Variants in RSRC1 observed in about 807,000 individuals in gnomAD.
RSRC1 encodes serine/Arginine-related protein 53.
RSRC1 carries 39 observed loss-of-function variants against 49.1 expected under a neutral mutation model. That is an observed-to-expected ratio of 0.79 (90% CI 0.61 to 1.04). RSRC1 has a LOEUF of 1.04. Ranked by LOEUF, RSRC1 falls within the 50% of genes least tolerant of loss-of-function variation. The probability of loss-of-function intolerance (pLI) is 0.00; values close to 1 mark genes in which losing one functional copy is unlikely to be tolerated. For missense variants in RSRC1, 388 were observed against 402.4 expected (o/e 0.96, Z 0.31); for synonymous variants, 143 against 130.8 (o/e 1.09, Z -0.63).
chr3:158,127,308 A>G (rs994232674), intron 3 of RSRC1, among the ~76,000 whole-genome samples: 3 of 151,860 alleles, frequency 2.0e-5, no homozygotes, highest in African/African-American at 7.3e-5. Flanking sequence ...CATAATACGT[A>G]TATTGGTCTG....
At chr3:158,285,437 A>T (rs1301720016) in intron 4 of RSRC1, among the ~76,000 whole-genome samples, 2 of 152,180 alleles carry the variant, frequency 1.3e-5, no homozygotes, top group Non-Finnish European at 2.9e-5. Flanking sequence ...GAAGAAAGTC[A>T]TTGGTAGCTT....
chr3:158,136,085 C>T (rs1716353456), intron 3 of RSRC1, among the ~76,000 whole-genome samples: 1 of 152,140 alleles, frequency 6.6e-6, no homozygotes. Flanking sequence ...ACTTAATTTG[C>T]ATTTCTACCA....
intron 3 of RSRC1, among the ~76,000 whole-genome samples, chr3:158,147,102 C>CTTTTTTTTTTTTTTTTTTTTTTTTT (rs35460810): frequency 8.6e-5 from 3 of 34,736 alleles, no homozygotes; most frequent in African/African-American, 3.0e-4. Context: ...GCTTTTCTGC[C>CTTTTTTTTTTTTTTTTTTTTTTTTT]TTTTTTTTTT....
chr3:158,428,100 C>G (rs1268054580), intron 6 of RSRC1, among the ~76,000 whole-genome samples: 1 of 151,694 alleles, frequency 6.6e-6, no homozygotes, highest in East Asian at 2.0e-4. Context: ...ACTTCCACCC[C>G]CACCTCCAAC....
intron 6 of RSRC1, among the ~76,000 whole-genome samples, chr3:158,397,464 C>A (rs939114): frequency 0.43 from 64,734 of 151,954 alleles, 14,706 homozygotes; most frequent in South Asian, 0.6. Context: ...ACCTACTTAG[C>A]CGGTGAGTAT....
chr3:158,316,438 A>ATTTTTTTTTTTTTTTTTT lies in RSRC1; in HGVS notation c.531+18372_531+18389dup, dbSNP rs564633575. ...TAATCAGTCCACTGCAGAATCTCTC[A>ATTTTTTTTTTTTTTTTTT]TTTTTTTTTTTTTTTTTTTTTTTTT... On this transcript the variant is annotated intron_variant, in intron 5 of 9. Transcript: ENST00000611884. Among the ~76,000 whole-genome samples the ATTTTTTTTTTTTTTTTTT allele has an allele frequency of 4.7e-4, 34 of 72,242 alleles. 5 individuals are homozygous for ATTTTTTTTTTTTTTTTTT. Among genetic ancestry groups the ATTTTTTTTTTTTTTTTTT allele is most frequent in the East Asian group, 9.4e-4 (2 of 2,128 alleles). The allele number at this position is 72,242 out of a possible 152,430, so 47.4% of individuals were successfully genotyped here.
At chr3:158,454,475 C>T (rs957623981) in intron 6 of RSRC1, among the ~76,000 whole-genome samples, 1 of 152,058 alleles carries the variant, frequency 6.6e-6, no homozygotes, top group Admixed American at 6.6e-5. Flanking sequence ...AGGGAAAATT[C>T]GTTGGTAAGA....
chr3:158,148,786 CT>C (rs555372660), intron 3 of RSRC1, among the ~76,000 whole-genome samples: 428 of 145,338 alleles, frequency 2.9e-3, no homozygotes, highest in African/African-American at 4.6e-3. Context: ...CGAATATATA[CT>C]TTTTTTTTTT....
chr3:158,326,162 A>G (rs1012914060), intron 5 of RSRC1, among the ~76,000 whole-genome samples: 2 of 152,212 alleles, frequency 1.3e-5, no homozygotes, highest in Non-Finnish European at 2.9e-5. Context: ...ATATACAATC[A>G]TGTCATCTGC....
intron 7 of RSRC1, among the ~76,000 whole-genome samples, chr3:158,498,536 G>C (rs899209701): frequency 1.3e-5 from 2 of 152,060 alleles, no homozygotes; most frequent in Non-Finnish European, 2.9e-5. Context: ...TTACTCTTCT[G>C]ACTGTTCCTT....
chr3:158,253,599 A>G (rs752212542), intron 4 of RSRC1, among the ~76,000 whole-genome samples: 18 of 152,168 alleles, frequency 1.2e-4, no homozygotes, highest in Non-Finnish European at 2.2e-4. Context: ...GATAGTGCAC[A>G]TAAGTTCAAA....
chr3:158,135,220 T>C (rs942858404), intron 3 of RSRC1, among the ~76,000 whole-genome samples: 2 of 152,102 alleles, frequency 1.3e-5, no homozygotes, highest in African/African-American at 4.8e-5. Context: ...AGGCTCAGAA[T>C]GTGTTTTGGA....
intron 5 of RSRC1, among the ~76,000 whole-genome samples, chr3:158,314,834 A>G (rs534447611): frequency 2.0e-5 from 3 of 152,214 alleles, no homozygotes; most frequent in South Asian, 4.1e-4. Context: ...GGTGAAACCA[A>G]TGGTGAAACC....
chr3:158,183,725 T>C (rs1719766707), intron 3 of RSRC1, among the ~76,000 whole-genome samples: 2 of 151,966 alleles, frequency 1.3e-5, no homozygotes, highest in African/African-American at 2.4e-5. Context: ...AAGACTAACA[T>C]AGGCAGCATA....
chr3:158,295,914 A>C (rs1727208020), intron 4 of RSRC1, among the ~76,000 whole-genome samples: 1 of 152,012 alleles, frequency 6.6e-6, no homozygotes, highest in South Asian at 2.1e-4. Context: ...AAATGAAGCT[A>C]TTTACAGTCT....
At chr3:158,317,318 T>A (rs534803167) in intron 5 of RSRC1, among the ~76,000 whole-genome samples, 158 of 152,180 alleles carry the variant, frequency 1.0e-3, no homozygotes, top group African/African-American at 3.6e-3. Context: ...AAACTCTGCC[T>A]TGTGGGCTCA....
At chr3:158,306,275 C>G (rs777842522) in intron 5 of RSRC1, among the ~76,000 whole-genome samples, 10 of 151,712 alleles carry the variant, frequency 6.6e-5, no homozygotes, top group Non-Finnish European at 1.2e-4. Flanking sequence ...GCATATATTA[C>G]TTAGCTTTTT....
chr3:158,478,598 T>G lies in RSRC1; in HGVS notation c.652+17595T>G, dbSNP rs759548799. ...GCCATGTCATGAGTTATTGTTTATT[T>G]GTAACACCAGCCTTGTCTATCCACA... On this transcript the variant is annotated intron_variant, in intron 7 of 9. Coordinates refer to ENST00000611884, the MANE Select transcript of RSRC1 (RefSeq NM_001271838.2). Among the ~76,000 whole-genome samples, 26 of 151,912 alleles carry G rather than the reference T, an allele frequency of 1.7e-4. 1 individual carries two copies. Among genetic ancestry groups the G allele is most frequent in the Admixed American group, 2.6e-4 (4 of 15,210 alleles).
chr3:158,164,505 A>G (rs537100797), intron 3 of RSRC1, among the ~76,000 whole-genome samples: 1 of 152,102 alleles, frequency 6.6e-6, no homozygotes, highest in Non-Finnish European at 1.5e-5. Context: ...GAATGATTTT[A>G]TATTGTATTT....
Sources: gnomAD v4.1 joint callset for allele counts (sites outside exome capture counted in the v4.1 genomes callset) on GRCh38, gnomAD v4.1.1 for gene constraint, MANE v1.5 for transcripts, NCBI Gene and HGNC (gene_info 2026-07-23, HGNC 2026-07-21) for gene names.